The following ZNF385B variants were observed in gnomAD, a reference collection of about 807,000 sequenced individuals.
The protein encoded by ZNF385B is zinc finger protein 385B.
ZNF385B carries 23 observed loss-of-function variants against 39.2 expected under a neutral mutation model. The ratio of observed to expected loss-of-function variants is 0.59; its 90% CI spans 0.42 to 0.83. The LOEUF (loss-of-function observed/expected upper bound fraction) is 0.83. Ranked by LOEUF, ZNF385B falls within the 40% of genes least tolerant of loss-of-function variation. The pLI is 0.00. For synonymous variants in ZNF385B, 205 were observed against 222.6 expected (o/e 0.92, Z 0.70); for missense variants, 552 against 598.9 (o/e 0.92, Z 0.82).
chr2:179,609,117 A>G (rs1689075954), intron 3 of ZNF385B, among the ~76,000 whole-genome samples: 1 of 151,988 alleles, frequency 6.6e-6, no homozygotes, highest in African/African-American at 2.4e-5. Flanking sequence ...ATATTATTGT[A>G]AACTGTAATC....
At chr2:179,652,314 T>A (rs1298445925) in intron 3 of ZNF385B, among the ~76,000 whole-genome samples, 1 of 152,174 alleles carries the variant, frequency 6.6e-6, no homozygotes, top group Non-Finnish European at 1.5e-5. Flanking sequence ...AAAAACATAC[T>A]TTCTTCTGAC....
At chr2:179,454,596 G>C (rs1353341859) in intron 6 of ZNF385B, among the ~76,000 whole-genome samples, 1 of 152,154 alleles carries the variant, frequency 6.6e-6, no homozygotes, top group Non-Finnish European at 1.5e-5. Flanking sequence ...ATTTATGACA[G>C]CTCCACTGTG....
intron 5 of ZNF385B, among the ~76,000 whole-genome samples, chr2:179,485,862 C>G (rs1272982633): frequency 6.6e-6 from 1 of 152,130 alleles, no homozygotes; most frequent in Non-Finnish European, 1.5e-5. Context: ...GCATATAACC[C>G]AGGTCACCCA....
chr2:179,745,820 G>A (rs1424772135), intron 3 of ZNF385B: 4 of 1,418,340 alleles, frequency 2.8e-6, no homozygotes, highest in East Asian at 2.7e-5. Flanking sequence ...AATGCACAGC[G>A]CTACCGAGAC....
At chr2:179,777,769 G>GTTTTTT (rs71029831) in intron 1 of ZNF385B, among the ~76,000 whole-genome samples, 12 of 143,712 alleles carry the variant, frequency 8.4e-5, no homozygotes, top group African/African-American at 1.0e-4. Context: ...ATATCAAGAG[G>GTTTTTT]TTTTTTTTTT....
chr2:179,555,505 T>A (rs547518616), intron 3 of ZNF385B, among the ~76,000 whole-genome samples: 4 of 149,812 alleles, frequency 2.7e-5, no homozygotes, highest in African/African-American at 1.0e-4. Flanking sequence ...GCAGAATTTT[T>A]AAAAAATGCA....
At chr2:179,463,695 T>C (rs1052379135) in intron 6 of ZNF385B, among the ~76,000 whole-genome samples, 5 of 152,252 alleles carry the variant, frequency 3.3e-5, no homozygotes, top group African/African-American at 1.2e-4. Context: ...ATCTTTTTTA[T>C]GGCTGCATAG....
At chr2:179,576,269 T>A in intron 3 of ZNF385B, 1 of 788,956 alleles carries the variant, frequency 1.3e-6, no homozygotes, top group Non-Finnish European at 1.5e-6. Context: ...TCAACGTATC[T>A]AAAAATCAAA....
At chr2:179,543,950 T>C (rs1266186763) in intron 4 of ZNF385B, among the ~76,000 whole-genome samples, 1 of 152,228 alleles carries the variant, frequency 6.6e-6, no homozygotes, top group Admixed American at 6.5e-5. Context: ...GTGGTGTTGA[T>C]AATGCAATTT....
chr2:179,793,192 T>C (rs1338726523), intron 1 of ZNF385B, among the ~76,000 whole-genome samples: 1 of 152,206 alleles, frequency 6.6e-6, no homozygotes, highest in African/African-American at 2.4e-5. Context: ...TGTTGAATGA[T>C]TGGAAAAATC....
At chr2:179,768,423 C>T (rs1703827875) in intron 3 of ZNF385B, among the ~76,000 whole-genome samples, 1 of 152,080 alleles carries the variant, frequency 6.6e-6, no homozygotes, top group African/African-American at 2.4e-5. Context: ...CTTAAGAAAA[C>T]AATTTAATGA....
At chr2:179,481,661 T>G (rs532212957) in intron 6 of ZNF385B, among the ~76,000 whole-genome samples, 1 of 152,334 alleles carries the variant, frequency 6.6e-6, no homozygotes, top group South Asian at 2.1e-4. Flanking sequence ...AGAGTGGCAC[T>G]AACCTCCATT....
At chr2:179,704,977 T>C (rs1369347730) in intron 3 of ZNF385B, among the ~76,000 whole-genome samples, 1 of 152,214 alleles carries the variant, frequency 6.6e-6, no homozygotes, top group African/African-American at 2.4e-5. Flanking sequence ...CTGCTATCTA[T>C]TCTTTCCTGT....
At chr2:179,446,481 G>C in intron 7 of ZNF385B, 44 bp downstream of exon 7, 2 of 1,569,952 alleles carry the variant, frequency 1.3e-6, no homozygotes. Context: ...GAAAAGTTGG[G>C]TTTTGTTATA....
intron 3 of ZNF385B, among the ~76,000 whole-genome samples, chr2:179,580,465 C>A (rs1426184756): frequency 6.6e-6 from 1 of 152,058 alleles, no homozygotes; most frequent in South Asian, 2.1e-4. Flanking sequence ...TATTTATGTC[C>A]CCCTTACCCC....
At chr2:179,809,260 T>C (rs1037244931) in intron 1 of ZNF385B, among the ~76,000 whole-genome samples, 3 of 152,190 alleles carry the variant, frequency 2.0e-5, no homozygotes, top group East Asian at 1.9e-4. Flanking sequence ...CAAGAAGTTA[T>C]GGCATGTAAA....
At chr2:179,591,287 T>C (rs1687540622) in intron 3 of ZNF385B, among the ~76,000 whole-genome samples, 1 of 152,190 alleles carries the variant, frequency 6.6e-6, no homozygotes, top group Admixed American at 6.5e-5. Context: ...AAACTTTTTT[T>C]TTCAGCTTTC....
At chr2:179,834,465 T>C (rs1366580457) in intron 1 of ZNF385B, among the ~76,000 whole-genome samples, 19 of 152,212 alleles carry the variant, frequency 1.2e-4, no homozygotes, top group Admixed American at 1.2e-3. Flanking sequence ...GAATGTATTA[T>C]GATAGGAGTG....
At chr2:179,829,205 T>C (rs959379563) in intron 1 of ZNF385B, among the ~76,000 whole-genome samples, 1 of 152,158 alleles carries the variant, frequency 6.6e-6, no homozygotes, top group South Asian at 2.1e-4. Context: ...AATTTTATGT[T>C]CTAATAATAT....
Sources: allele counts gnomAD v4.1 joint callset (sites outside exome capture counted in the v4.1 genomes callset), GRCh38; gene constraint gnomAD v4.1.1; transcripts MANE v1.5; gene names NCBI Gene and HGNC (gene_info 2026-07-23, HGNC 2026-07-21).